The following PUDP variants were observed in gnomAD, a reference collection of about 807,000 sequenced individuals.
PUDP encodes pseudouridine-5'-phosphatase.
A neutral mutation model predicts 9.4 loss-of-function variants in PUDP; 8 were observed. The ratio of observed to expected loss-of-function variants is 0.85; its 90% CI spans 0.50 to 1.53. The LOEUF (loss-of-function observed/expected upper bound fraction) is 1.53, where lower values mean the gene tolerates loss of function less well. PUDP is among the 40% of genes most tolerant of loss of function. PUDP has a pLI of 0.00. For synonymous variants in PUDP, 99 were observed against 80.7 expected (o/e 1.23, Z -1.22); for missense variants, 188 against 189.7 (o/e 0.99, Z 0.05).
At chrX:6,825,778 C>T (rs748425833) in intron 3 of PUDP, among the ~76,000 whole-genome samples, 2 of 110,993 alleles carry the variant, frequency 1.8e-5, no homozygotes, top group Non-Finnish European at 3.8e-5. Context: ...TGAGCCCCAC[C>T]CCAGCTTGCT....
chrX:6,879,376 T>C (rs1927312289), intron 3 of PUDP, among the ~76,000 whole-genome samples: 1 of 111,390 alleles, frequency 9.0e-6, no homozygotes, highest in Non-Finnish European at 1.9e-5. Context: ...GTTGTTGTTG[T>C]TCCTCCCTCT....
intron 3 of PUDP, among the ~76,000 whole-genome samples, chrX:6,746,473 C>T (rs768265750): frequency 2.7e-5 from 3 of 111,502 alleles, no homozygotes; most frequent in Admixed American, 9.5e-5. Flanking sequence ...CATAAGTAAA[C>T]GTGTGCCATG....
At chrX:6,771,323 T>C (rs1343099022) in intron 3 of PUDP, among the ~76,000 whole-genome samples, 3 of 112,131 alleles carry the variant, frequency 2.7e-5, no homozygotes, top group African/African-American at 9.7e-5. Context: ...ATTATCTCCT[T>C]TTTATGCATT....
chrX:6,815,388 A>T (rs1249546611), intron 3 of PUDP, among the ~76,000 whole-genome samples: 1 of 112,094 alleles, frequency 8.9e-6, no homozygotes, highest in African/African-American at 3.2e-5. Context: ...ACAGACACCA[A>T]CTACATCCGT....
chrX:7,032,215 G>T (rs1236889650), intron 1 of PUDP, among the ~76,000 whole-genome samples: 1 of 112,165 alleles, frequency 8.9e-6, no homozygotes, highest in Non-Finnish European at 1.9e-5. Flanking sequence ...ATACCCATTA[G>T]AATGGCTACA....
chrX:7,109,758 A>C (rs1415743597), intron 1 of PUDP, among the ~76,000 whole-genome samples: 2 of 112,651 alleles, frequency 1.8e-5, no homozygotes, highest in Non-Finnish European at 3.7e-5. Flanking sequence ...AGCGTTGTGA[A>C]AGGAAAAATG....
At chrX:6,844,487 C>T (rs919021787) in intron 3 of PUDP, among the ~76,000 whole-genome samples, 3 of 112,236 alleles carry the variant, frequency 2.7e-5, no homozygotes, top group East Asian at 2.8e-4. Context: ...TTCAACCATA[C>T]GGCCCAATAA....
chrX:7,132,447 C>A, intron 1 of PUDP, among the ~76,000 whole-genome samples: 1 of 111,470 alleles, frequency 9.0e-6, no homozygotes, highest in East Asian at 2.8e-4. Flanking sequence ...TTGAAGTGGG[C>A]AACTTTACAG....
intron 2 of PUDP, among the ~76,000 whole-genome samples, chrX:7,086,235 C>T (rs1367758261): frequency 4.5e-5 from 5 of 111,955 alleles, no homozygotes; most frequent in South Asian, 3.7e-4. Flanking sequence ...CTGTGCTGAT[C>T]GCTTTAACTA....
intron 3 of PUDP, among the ~76,000 whole-genome samples, chrX:6,904,602 G>A (rs1328440208): frequency 1.8e-5 from 2 of 111,837 alleles, no homozygotes; most frequent in Non-Finnish European, 3.8e-5. Context: ...ACTGGAAATG[G>A]GGAGAGGTTT....
intron 3 of PUDP, among the ~76,000 whole-genome samples, chrX:6,817,857 G>A (rs536211257): frequency 9.0e-6 from 1 of 111,402 alleles, no homozygotes; most frequent in East Asian, 2.8e-4. Flanking sequence ...CAAAAGGGAT[G>A]CCTTTCTGTC....
intron 3 of PUDP, among the ~76,000 whole-genome samples, chrX:6,850,550 C>A (rs781777813): frequency 8.9e-6 from 1 of 112,400 alleles, no homozygotes; most frequent in Admixed American, 9.4e-5. Context: ...GCAGGCAGCA[C>A]CTATGAGCAG....
intron 3 of PUDP, among the ~76,000 whole-genome samples, chrX:6,880,528 T>A (rs1200837350): frequency 8.9e-6 from 1 of 112,241 alleles, no homozygotes; most frequent in Non-Finnish European, 1.9e-5. Context: ...AGAGGGACTA[T>A]AAAATATATT....
intron 1 of PUDP, among the ~76,000 whole-genome samples, chrX:7,140,090 G>A (rs1231629981): frequency 5.3e-5 from 6 of 112,287 alleles, no homozygotes; most frequent in Admixed American, 9.4e-5. Context: ...AAGCCATGGG[G>A]AAAAGTCTTC....
intron 3 of PUDP, among the ~76,000 whole-genome samples, chrX:6,894,034 T>TG (rs1241544555): frequency 9.0e-6 from 1 of 111,176 alleles, no homozygotes; most frequent in African/African-American, 3.3e-5. Context: ...CACTTACAAG[T>TG]GGGAGCTGAT....
chrX:7,125,708 G>A (rs1215180177), intron 1 of PUDP, among the ~76,000 whole-genome samples: 1 of 111,880 alleles, frequency 8.9e-6, no homozygotes, highest in African/African-American at 3.3e-5. Flanking sequence ...TGGCTGGGGA[G>A]GCCTCACAAT....
At chrX:7,058,530 T>C (rs1374189431) in intron 3 of PUDP, among the ~76,000 whole-genome samples, 1 of 112,143 alleles carries the variant, frequency 8.9e-6, no homozygotes, top group Non-Finnish European at 1.9e-5. Context: ...TGGTGAGACA[T>C]CAAAACTTCA....
intron 3 of PUDP, among the ~76,000 whole-genome samples, chrX:6,769,176 C>T (rs934347526): frequency 1.8e-5 from 2 of 112,156 alleles, no homozygotes; most frequent in Non-Finnish European, 3.8e-5. Context: ...TTGTTGTCTG[C>T]CAAAGATAAG....
intron 1 of PUDP, among the ~76,000 whole-genome samples, chrX:7,107,836 AAG>A (rs1265006769): frequency 5.3e-5 from 6 of 112,716 alleles, no homozygotes; most frequent in Admixed American, 3.7e-4. Context: ...CTTCAAAAAA[AAG>A]AGAGTTAGGG....
Sources: gnomAD v4.1 joint callset for allele counts (sites outside exome capture counted in the v4.1 genomes callset) on GRCh38, gnomAD v4.1.1 for gene constraint, MANE v1.5 for transcripts, NCBI Gene and HGNC (gene_info 2026-07-23, HGNC 2026-07-21) for gene names.